Variants in PPIG observed in about 807,000 individuals in gnomAD.
PPIG encodes the protein peptidylprolyl isomerase G.
A neutral mutation model predicts 87.9 loss-of-function variants in PPIG; 26 were observed. The observed-to-expected ratio is 0.30, with a 90% CI of 0.22 to 0.41. The LOEUF (loss-of-function observed/expected upper bound fraction) is 0.41. Ranked by LOEUF, PPIG falls within the 10% of genes least tolerant of loss-of-function variation. The pLI is 1.00. For synonymous variants in PPIG, 308 were observed against 276.5 expected (o/e 1.11, Z -1.13); for missense variants, 722 against 879.4 (o/e 0.82, Z 2.26).
chr2:169,621,798 T>C (rs1178977108), intron 9 of PPIG, among the ~76,000 whole-genome samples: 1 of 151,734 alleles, frequency 6.6e-6, no homozygotes, highest in Non-Finnish European at 1.5e-5. Context: ...TGCCTCCTTA[T>C]AAAAGTTAAG....
chr2:169,622,675 C>T (rs184148779), intron 9 of PPIG, among the ~76,000 whole-genome samples: 2 of 152,312 alleles, frequency 1.3e-5, no homozygotes, highest in Admixed American at 1.3e-4. Context: ...TTCTGAATCA[C>T]ACTGTGAAAA....
At chr2:169,586,450 G>A (rs1403134521) in intron 1 of PPIG, among the ~76,000 whole-genome samples, 1 of 152,126 alleles carries the variant, frequency 6.6e-6, no homozygotes, top group African/African-American at 2.4e-5. Flanking sequence ...TAAATACTCA[G>A]CTTTGTTAAA....
intron 9 of PPIG, among the ~76,000 whole-genome samples, chr2:169,615,058 G>A (rs949037240): frequency 2.0e-5 from 3 of 151,366 alleles, no homozygotes; most frequent in Admixed American, 1.3e-4. Context: ...TTGTTTGTTT[G>A]TTTGTTTTGA....
chr2:169,607,215 G>A, intron 6 of PPIG, 67 bp downstream of exon 6: 1 of 1,034,354 alleles, frequency 9.7e-7, no homozygotes, highest in Non-Finnish European at 1.4e-6. Flanking sequence ...ATTCTCTATG[G>A]AATCAATAAC....
At chr2:169,592,456 C>T (rs1255384545) in intron 1 of PPIG, among the ~76,000 whole-genome samples, 2 of 152,092 alleles carry the variant, frequency 1.3e-5, no homozygotes, top group East Asian at 3.9e-4. Context: ...AGGCGCCCAC[C>T]ACCACGCCCA....
rs148351299 is a variant in PPIG, at chr2:169,610,742, G to GTA, written c.377+1987_377+1988dup. On this transcript the variant is annotated intron_variant, in intron 7 of 13. Coordinates refer to ENST00000260970, the MANE Select transcript of PPIG (RefSeq NM_004792.3). ...TCTTACACCGTAGATGGCATACCATGTATACTGTTTCACTCTTCACTTAAC... is the reference window on the plus strand; with the variant it reads ...TCTTACACCGTAGATGGCATACCATGTATATACTGTTTCACTCTTCACTTAAC... 5.8e-3 allele frequency among the ~76,000 whole-genome samples: 885 copies of GTA among 152,106 alleles called. 12 individuals carry two copies. Among genetic ancestry groups the GTA allele is most frequent in the African/African-American group, 0.02 (843 of 41,476 alleles).
chr2:169,600,848 T>G (rs1035460195), intron 1 of PPIG, among the ~76,000 whole-genome samples: 3 of 152,196 alleles, frequency 2.0e-5, no homozygotes, highest in African/African-American at 7.2e-5. Context: ...CCTATTTTGT[T>G]TTACTGTGCA....
At chr2:169,590,701 A>G (rs1684841822) in intron 1 of PPIG, among the ~76,000 whole-genome samples, 1 of 152,132 alleles carries the variant, frequency 6.6e-6, no homozygotes, top group South Asian at 2.1e-4. Context: ...CAGAGAGTGA[A>G]CTCTGGCTAA....
chr2:169,628,331 A>G (rs1685948966), intron 9 of PPIG, among the ~76,000 whole-genome samples: 1 of 152,188 alleles, frequency 6.6e-6, no homozygotes. Flanking sequence ...CAGTGAAGCC[A>G]TTACATCTAC....
At chr2:169,600,872 CT>C (rs547961236) in intron 1 of PPIG, among the ~76,000 whole-genome samples, 214 of 152,114 alleles carry the variant, frequency 1.4e-3, no homozygotes, top group Non-Finnish European at 2.3e-3. Context: ...ACATTTTAAA[CT>C]TTTATGAATT....
At chr2:169,607,010 T>C in intron 5 of PPIG, 94 bp from the exon 6 acceptor site, 1 of 799,402 alleles carries the variant, frequency 1.3e-6, no homozygotes, top group Non-Finnish European at 2.0e-6. Flanking sequence ...TAATTCAAAA[T>C]TATTCAAAAA....
In PPIG at chr2:169,633,949, C is replaced by G. The variant is rs960377295; in HGVS notation, c.1017+702C>G. Among the ~76,000 whole-genome samples the G allele has an allele frequency of 3.3e-5, 5 of 151,662 alleles. No homozygotes were observed. The East Asian group carries it at 9.7e-4, about 30-fold the overall frequency. On this transcript the variant is annotated intron_variant, in intron 12 of 13. Transcript: ENST00000260970. ...AGGTTCAAGCAGTCCTGCCTCAGCT[C>G]CCCCTAGTAGCTGGGATTACAGGCA...
intron 7 of PPIG, among the ~76,000 whole-genome samples, chr2:169,609,559 A>C (rs1471618180): frequency 1.3e-5 from 2 of 152,202 alleles, no homozygotes; most frequent in African/African-American, 4.8e-5. Flanking sequence ...AAGAGAACAC[A>C]GGAGCCAGGT....
At chr2:169,608,272 C>T (rs895877351) in intron 6 of PPIG, among the ~76,000 whole-genome samples, 17 of 151,776 alleles carry the variant, frequency 1.1e-4, no homozygotes, top group East Asian at 5.8e-4. Flanking sequence ...GGGCGGATCA[C>T]GATGTCAGGA....
At chr2:169,612,440 G>A (rs1397267530) in intron 7 of PPIG, among the ~76,000 whole-genome samples, 2 of 144,026 alleles carry the variant, frequency 1.4e-5, no homozygotes, top group African/African-American at 5.2e-5. Context: ...CTGGAGTGCA[G>A]TGGCAGAATC....
In PPIG at chr2:169,619,651, A is replaced by C. The variant is rs536580121; in HGVS notation, c.547+4927A>C. ...CCCTCTTTCTGTTTTTGATTTTTTG[A>C]GGAGACTTCATTCGGTTTTCTAATA... On this transcript the variant is annotated intron_variant, in intron 9 of 13. Transcript: ENST00000260970. 6.6e-5 allele frequency among the ~76,000 whole-genome samples: 10 copies of C among 151,898 alleles called. No homozygotes were observed. The South Asian group carries it at 2.1e-3, about 31-fold the overall frequency.
At chr2:169,624,415 A>G (rs1294617203) in intron 9 of PPIG, among the ~76,000 whole-genome samples, 1 of 152,192 alleles carries the variant, frequency 6.6e-6, no homozygotes, top group African/African-American at 2.4e-5. Flanking sequence ...TTAACCAGAA[A>G]TGGCCCAAGT....
chr2:169,591,110 A>G (rs568616849), intron 1 of PPIG, among the ~76,000 whole-genome samples: 1 of 152,360 alleles, frequency 6.6e-6, no homozygotes, highest in East Asian at 1.9e-4. Flanking sequence ...TTAAAATATA[A>G]TAAAGTTACC....
chr2:169,584,952 C>T (rs185398569), intron 1 of PPIG: 152 of 192,790 alleles, frequency 7.9e-4, no homozygotes, highest in Non-Finnish European at 1.4e-3. Context: ...TCCTGTCAGG[C>T]TAGGGTTGGA....
Sources: allele counts gnomAD v4.1 joint callset (sites outside exome capture counted in the v4.1 genomes callset), GRCh38; gene constraint gnomAD v4.1.1; transcripts MANE v1.5; gene names NCBI Gene and HGNC (gene_info 2026-07-23, HGNC 2026-07-21).